Variants in VWF observed in about 807,000 individuals in gnomAD.
VWF encodes von Willebrand factor.
In VWF, 176 loss-of-function variants were observed where a neutral mutation model predicts 308.6. The observed-to-expected ratio is 0.57, with a 90% CI of 0.50 to 0.65. VWF has a LOEUF of 0.65. Ranked by LOEUF, VWF falls within the 30% of genes least tolerant of loss-of-function variation. The pLI, the probability that VWF is intolerant of heterozygous loss-of-function variation, is 0.00. For missense variants in VWF, 3,146 were observed against 3,648.2 expected (o/e 0.86, Z 3.55); for synonymous variants, 1,385 against 1,443.4 (o/e 0.96, Z 0.92).
At chr12:6,123,098 G>A in intron 2 of VWF, 44 bp downstream of exon 2, 1 of 1,611,804 alleles carries the variant, frequency 6.2e-7, no homozygotes, top group Non-Finnish European at 8.5e-7. Context: ...CACTCCAGAT[G>A]GCCCTGGGGC....
At chr12:6,000,736 T>A (rs216803) in intron 34 of VWF, among the ~76,000 whole-genome samples, 1 of 146,254 alleles carries the variant, frequency 6.8e-6, no homozygotes, top group Non-Finnish European at 1.5e-5. Context: ...GGCGTGAACC[T>A]GGGAGGCGGA....
chr12:6,002,106 A>C lies in VWF; in HGVS notation c.5843-5884T>G, dbSNP rs1439123879. Among the ~76,000 whole-genome samples the C allele has an allele frequency of 3.3e-5, 5 of 152,088 alleles. No individual in the cohort carries two copies. The South Asian group carries it at 1.0e-3, about 32-fold the overall frequency. ...TGATCCTAGGAAAATTCATAACAGT[A>C]AACATTTCTGTCAATAAAAATAAAA... On this transcript the variant is annotated intron_variant, in intron 34 of 51. Transcript: ENST00000261405.
At chr12:6,118,548 G>A (rs1479256443) in intron 3 of VWF, among the ~76,000 whole-genome samples, 3 of 151,792 alleles carry the variant, frequency 2.0e-5, no homozygotes, top group Non-Finnish European at 2.9e-5. Context: ...CACAACGCCT[G>A]GCTAATTTTT....
rs1944584803 is a variant in VWF, at chr12:6,056,864, G to C, written c.1938C>G (p.Gly646=). ...RGVRVAWREP[G]RCELNCPKGQ... is the part of the protein sequence containing the mutation. The stretch of plus-strand genomic sequence containing the variant: ...GGCAGGGAGGGCACGCACCACAGCG[G>C]CCTGGCTCGCGCCACGCGACGCGCA... Residue 646 remains glycine (G), a synonymous_variant, in exon 15 of 52, where the codon GGC becomes GGG. Transcript: ENST00000261405. 8 of 1,451,678 alleles carry C rather than the reference G, an allele frequency of 5.5e-6. No individual in the cohort carries two copies. The highest frequency in any genetic ancestry group is 7.2e-6 in the Non-Finnish European group (8 of 1,112,020). The allele number at this position is 1,451,678 out of a possible 1,614,324, so 89.9% of individuals were successfully genotyped here.
intron 2 of VWF, 197 bp downstream of exon 2, chr12:6,122,945 G>A (rs541497956): frequency 4.3e-5 from 33 of 759,526 alleles, no homozygotes; most frequent in African/African-American, 4.2e-4. Context: ...AACAGGAGAT[G>A]GCATTTGCAG....
chr12:6,072,256 C>CG lies in VWF; in HGVS notation c.1109+74_1109+75insC. 5 of 1,391,592 alleles carry CG rather than the reference C, an allele frequency of 3.6e-6. No homozygotes were observed. In the South Asian group the frequency reaches 5.8e-5, roughly 16 times the overall value. The allele number at this position is 1,391,592 out of a possible 1,614,324, so 86.2% of individuals were successfully genotyped here. A position where few individuals can be genotyped will look rare whatever the true frequency, so the allele number is the denominator to read the frequency against. On this transcript the variant is annotated intron_variant, in intron 9 of 51. Transcript: ENST00000261405. ...GTCCAGGTTCTTTTCCACCTGCCACCACCCCTGCTGACCCAGCTTCCCTCC... is the reference window on the plus strand; with the variant it reads ...GTCCAGGTTCTTTTCCACCTGCCACCGACCCCTGCTGACCCAGCTTCCCTCC...
chr12:6,016,422 G>C (rs1944057441), intron 30 of VWF, 94 bp downstream of exon 30: 1 of 1,460,412 alleles, frequency 6.8e-7, no homozygotes, highest in African/African-American at 1.4e-5. Context: ...TAAGGCCAAG[G>C]AGCAAAGTGA....
At chr12:6,120,965 T>G (rs1247796594) in intron 3 of VWF, among the ~76,000 whole-genome samples, 1 of 152,158 alleles carries the variant, frequency 6.6e-6, no homozygotes, top group East Asian at 1.9e-4. Context: ...ATGAAGACTC[T>G]CTTCATCCAT....
chr12:6,064,431 C>T (rs1211374768), intron 11 of VWF, 47 bp from the exon 12 acceptor site: 1 of 1,610,300 alleles, frequency 6.2e-7, no homozygotes, highest in Non-Finnish European at 8.5e-7. Context: ...CCCTGCCTAT[C>T]CAGCTCCCCA....
chr12:6,034,993 C>T (rs1944319245), intron 19 of VWF, among the ~76,000 whole-genome samples, 167 bp from the exon 20 acceptor site: 2 of 152,098 alleles, frequency 1.3e-5, no homozygotes, highest in South Asian at 4.2e-4. Flanking sequence ...ACTTCATAGG[C>T]CCAGTATGGT....
intron 5 of VWF, among the ~76,000 whole-genome samples, chr12:6,108,861 G>A (rs1052931532): frequency 6.6e-6 from 1 of 151,580 alleles, no homozygotes; most frequent in Non-Finnish European, 1.5e-5. Flanking sequence ...GGTGCCTGTA[G>A]TCCCAGCTAC....
chr12:5,971,481 G>A (rs1943473518), intron 44 of VWF, 118 bp downstream of exon 44: 1 of 826,156 alleles, frequency 1.2e-6, no homozygotes, highest in Non-Finnish European at 2.0e-6. Flanking sequence ...ACCAACAGCT[G>A]GGTGAAATGC....
At chr12:6,117,525 A>G (rs1318107155) in intron 3 of VWF, among the ~76,000 whole-genome samples, 6 of 152,230 alleles carry the variant, frequency 3.9e-5, no homozygotes, top group Non-Finnish European at 7.3e-5. Context: ...ATTTTCAGAT[A>G]ACCTGTCTCC....
At chr12:5,981,582 C>G (rs774053188) in intron 42 of VWF, among the ~76,000 whole-genome samples, 1 of 152,128 alleles carries the variant, frequency 6.6e-6, no homozygotes, top group Non-Finnish European at 1.5e-5. Context: ...TGACTGCCCC[C>G]CAACCAAGCC....
intron 41 of VWF, among the ~76,000 whole-genome samples, chr12:5,982,717 G>C (rs1442558167): frequency 6.6e-6 from 1 of 152,106 alleles, no homozygotes; most frequent in Non-Finnish European, 1.5e-5. Flanking sequence ...CTATGTTTAA[G>C]TTACAGTATA....
At chr12:6,007,294 T>A (rs1300253835) in intron 34 of VWF, among the ~76,000 whole-genome samples, 1 of 152,146 alleles carries the variant, frequency 6.6e-6, no homozygotes, top group Non-Finnish European at 1.5e-5. Flanking sequence ...CAAACACACA[T>A]AGAACAGTCT....
intron 6 of VWF, among the ~76,000 whole-genome samples, chr12:6,089,480 G>A (rs553410029): frequency 5.3e-5 from 8 of 152,232 alleles, no homozygotes; most frequent in African/African-American, 1.9e-4. Flanking sequence ...GAGACAAAGC[G>A]AGTAGCTAGG....
At position 6,052,657 on chromosome 12, in the gene VWF, G is replaced by T. The variant is rs768159207; in HGVS notation, c.2072C>A (p.Pro691Gln). The change falls in exon 16 of 52, where the codon CCA becomes CAA. Residue 691 changes from proline to glutamine, a missense_variant. Pro to Gln is a moderately conservative substitution (Grantham distance 76). This residue lies in a region of VWF where 1,304 missense variants were observed against 1,353.0 expected (regional missense o/e 0.96). Coordinates refer to ENST00000261405, the MANE Select transcript of VWF (RefSeq NM_000552.5). The stretch of plus-strand genomic sequence containing the variant: ...CCCCCTCTCATCCATGTAGAGCCCT[G>T]GGGGGCAGAAGCAGCCCTCCAGGCA... ...EACLEGCFCP[P>Q]GLYMDERGDC... 1.2e-6 allele frequency: 2 copies of T among 1,614,228 alleles called. No individual in the cohort carries two copies. The highest frequency in any genetic ancestry group is 1.7e-6 in the Non-Finnish European group (2 of 1,180,036).
intron 3 of VWF, among the ~76,000 whole-genome samples, chr12:6,120,755 C>T (rs1235156907): frequency 6.6e-6 from 1 of 152,176 alleles, no homozygotes; most frequent in East Asian, 1.9e-4. Flanking sequence ...ACCAGCCCTT[C>T]TGCAGGAATA....
Sources: gnomAD v4.1 joint callset for allele counts (sites outside exome capture counted in the v4.1 genomes callset) on GRCh38, gnomAD v4.1.1 for gene constraint, gnomAD v4.1.1 regional missense constraint, MANE v1.5 for transcripts, NCBI Gene and HGNC (gene_info 2026-07-23, HGNC 2026-07-21) for gene names.